Variants in APP observed in about 807,000 individuals in gnomAD.
APP encodes the protein amyloid-beta precursor protein.
Under a neutral mutation model 101.4 loss-of-function variants are expected in APP, and 31 were observed. That is an observed-to-expected ratio of 0.31 (90% CI 0.23 to 0.41). The LOEUF is 0.41. APP is among the 10% of genes least tolerant of loss of function. APP has a pLI of 1.00. For missense variants in APP, 839 were observed against 1,003.7 expected (o/e 0.84, Z 2.22); for synonymous variants, 366 against 364.4 (o/e 1.00, Z -0.05).
intron 13 of APP, among the ~76,000 whole-genome samples, chr21:25,918,743 C>A (rs865918165): frequency 6.6e-6 from 1 of 151,156 alleles, no homozygotes; most frequent in Non-Finnish European, 1.5e-5. Context: ...CCCACGGAAT[C>A]GCGCTGATTG....
At chr21:26,034,635 T>A (rs1416839456) in intron 5 of APP, among the ~76,000 whole-genome samples, 1 of 74,380 alleles carries the variant, frequency 1.3e-5, no homozygotes, top group African/African-American at 3.8e-5. Context: ...GAGCAAGACT[T>A]CTCAAAAAAA....
chr21:26,145,912 A>T (rs2063145171), intron 1 of APP, among the ~76,000 whole-genome samples: 1 of 131,284 alleles, frequency 7.6e-6, no homozygotes, highest in Non-Finnish European at 1.6e-5. Flanking sequence ...CTACTGTATA[A>T]GAGTTTTTTA....
At chr21:26,009,091 C>T (rs1462726369) in intron 6 of APP, among the ~76,000 whole-genome samples, 1 of 152,168 alleles carries the variant, frequency 6.6e-6, no homozygotes, top group African/African-American at 2.4e-5. Context: ...CATGATCAAC[C>T]TTATCTTTTA....
intron 1 of APP, among the ~76,000 whole-genome samples, chr21:26,156,020 AAG>A: frequency 6.6e-6 from 1 of 152,014 alleles, no homozygotes; most frequent in African/African-American, 2.4e-5. Context: ...AAAAAAAAAA[AAG>A]ATACCACTTC....
intron 6 of APP, among the ~76,000 whole-genome samples, chr21:26,006,868 T>C (rs751751592): frequency 8.5e-5 from 13 of 152,252 alleles, no homozygotes; most frequent in Non-Finnish European, 1.3e-4. Flanking sequence ...ATAAAGCTGG[T>C]TTTAGAATAA....
rs45450494 is a variant in APP at position 25,956,092 on chromosome 21, C to T, written c.1459-337G>A. 5.5e-3 allele frequency among the ~76,000 whole-genome samples: 832 copies of T among 152,294 alleles called. 6 individuals are homozygous for T. The highest frequency in any genetic ancestry group is 0.019 in the African/African-American group (793 of 41,560). ...AGGTTAAGTTAGGTCCTTCTCTTTTCGCACCCAAGGGGCATATGTGAGACT... is the reference window on the plus strand; with the variant it reads ...AGGTTAAGTTAGGTCCTTCTCTTTTTGCACCCAAGGGGCATATGTGAGACT... On this transcript the variant is annotated intron_variant, in intron 11 of 17. Transcript: ENST00000346798.
chr21:26,034,662 GA>G (rs1204361152), intron 5 of APP, among the ~76,000 whole-genome samples: 1 of 142,092 alleles, frequency 7.0e-6, no homozygotes, highest in Non-Finnish European at 1.5e-5. Flanking sequence ...AAAAGAAAAA[GA>G]AAAAAAGAAA....
chr21:26,044,790 C>T (rs1219239548), intron 5 of APP, among the ~76,000 whole-genome samples: 1 of 152,168 alleles, frequency 6.6e-6, no homozygotes, highest in African/African-American at 2.4e-5. Flanking sequence ...CGGCCCACCT[C>T]GGCCTCCCAA....
At chr21:26,031,527 G>A (rs530568708) in intron 5 of APP, among the ~76,000 whole-genome samples, 2 of 152,298 alleles carry the variant, frequency 1.3e-5, no homozygotes, top group South Asian at 2.1e-4. Context: ...ATCATGGCGG[G>A]AGGTGAAAGG....
At chr21:26,165,691 T>C (rs888200577) in intron 1 of APP, among the ~76,000 whole-genome samples, 2 of 152,230 alleles carry the variant, frequency 1.3e-5, no homozygotes, top group African/African-American at 4.8e-5. Context: ...TTTCGTAAGA[T>C]ACTGTGAGTC....
chr21:26,076,828 C>T (rs1181279030), intron 3 of APP, among the ~76,000 whole-genome samples: 1 of 152,020 alleles, frequency 6.6e-6, no homozygotes, highest in African/African-American at 2.4e-5. Flanking sequence ...CTTTGGGAGG[C>T]CGAGGTGGGC....
intron 13 of APP, among the ~76,000 whole-genome samples, chr21:25,951,025 A>T (rs1355079531): frequency 6.6e-6 from 1 of 152,192 alleles, no homozygotes; most frequent in East Asian, 1.9e-4. Flanking sequence ...GGAATATGGC[A>T]CTGGGATTCA....
At chr21:25,933,916 C>T (rs1253825992) in intron 13 of APP, 1 of 152,058 alleles carries the variant, frequency 6.6e-6, no homozygotes, top group Non-Finnish European at 1.5e-5. Flanking sequence ...AAAATAAAAA[C>T]ATAACCGCAT....
chr21:26,012,644 A>C (rs73163767), intron 6 of APP, among the ~76,000 whole-genome samples: 31,341 of 152,164 alleles, frequency 0.21, 3,355 homozygotes, highest in South Asian at 0.27. Context: ...TGCTCAAGGA[A>C]TCTGACTGTA....
At chr21:25,937,037 A>G (rs949327799) in intron 13 of APP, among the ~76,000 whole-genome samples, 1 of 152,104 alleles carries the variant, frequency 6.6e-6, no homozygotes, top group Non-Finnish European at 1.5e-5. Flanking sequence ...CACATGTGAC[A>G]AATGGTCAAG....
At chr21:26,039,003 T>C (rs2045254931) in intron 5 of APP, among the ~76,000 whole-genome samples, 3 of 152,314 alleles carry the variant, frequency 2.0e-5, no homozygotes, top group Admixed American at 2.0e-4. Context: ...GAAGATATTT[T>C]TGAAGCAAAG....
intron 14 of APP, among the ~76,000 whole-genome samples, chr21:25,906,725 G>A (rs2038810399): frequency 6.6e-6 from 1 of 152,098 alleles, no homozygotes; most frequent in Admixed American, 6.6e-5. Context: ...CTTGTAAAAT[G>A]CAGTTAGTTG....
chr21:25,990,336 C>A (rs972832786), intron 8 of APP, among the ~76,000 whole-genome samples: 2 of 152,176 alleles, frequency 1.3e-5, no homozygotes, highest in African/African-American at 2.4e-5. Context: ...TGTGAAGGAA[C>A]GAATGCTGGC....
chr21:25,981,010 C>T (rs1454743357), intron 9 of APP, among the ~76,000 whole-genome samples: 1 of 152,088 alleles, frequency 6.6e-6, no homozygotes, highest in African/African-American at 2.4e-5. Flanking sequence ...ATGAGGTTGT[C>T]CCTAGTGGTC....
Sources: gnomAD v4.1 joint callset for allele counts (sites outside exome capture counted in the v4.1 genomes callset) on GRCh38, gnomAD v4.1.1 for gene constraint, MANE v1.5 for transcripts, NCBI Gene and HGNC (gene_info 2026-07-23, HGNC 2026-07-21) for gene names.